ERLIN2: variants seen among roughly 807,000 people sequenced by gnomAD.
ERLIN2 encodes the protein ER lipid raft associated 2.
Under a neutral mutation model 41.5 loss-of-function variants are expected in ERLIN2, and 22 were observed. The ratio of observed to expected loss-of-function variants is 0.53; its 90% confidence interval spans 0.38 to 0.76. The LOEUF (loss-of-function observed/expected upper bound fraction) is 0.76, where lower values mean the gene tolerates loss of function less well. Ranked by LOEUF, ERLIN2 falls within the 30% of genes least tolerant of loss-of-function variation. The pLI, the probability that ERLIN2 is intolerant of heterozygous loss-of-function variation, is 0.00. For synonymous variants in ERLIN2, 149 were observed against 150.9 expected (o/e 0.99, Z 0.09); for missense variants, 247 against 414.3 (o/e 0.60, Z 3.51).
intron 2 of ERLIN2, among the ~76,000 whole-genome samples, chr8:37,739,483 CTT>C (rs375384406): frequency 6.8e-6 from 1 of 146,574 alleles, no homozygotes. Context: ...GACTTCTTAT[CTT>C]TTTTTTTTTT....
In ERLIN2 at chr8:37,758,325, T is replaced by C. The variant is rs1160949812; in HGVS notation, c.*4210T>C. 6.6e-6 allele frequency: 1 copy of C among 152,234 alleles called. No homozygotes were observed. Among genetic ancestry groups the C allele is most frequent in the Non-Finnish European group, 1.5e-5 (1 of 68,038 alleles). The allele number at this position is 152,234 out of a possible 1,614,324, so 9.4% of individuals were successfully genotyped here. ...AGACTGCCAAAGTTCAAATCACTGC[T>C]CTACTACTTCTTAGGTGTGTGGTCT... On this transcript the variant is annotated 3_prime_UTR_variant, in exon 12 of 12. Transcript: ENST00000519638.
In ERLIN2 at chr8:37,740,408, C is replaced by A; in HGVS notation, c.151C>A (p.Leu51Ile). Reference protein sequence around the residue: ...LTSTSGPGFHLMLPFITSYKS... With the variant: ...LTSTSGPGFHIMLPFITSYKS... ...TTCGACCAGCGGCCCTGGTTTCCAT[C>A]TCATGCTCCCTTTCATCACATCATA... is the stretch of plus-strand genomic sequence containing the variant. Residue 51 changes from leucine (L) to isoleucine (I), a missense_variant, in exon 3 of 12, where the codon CTC becomes ATC. Around this residue, in one of 3 missense-constraint regions of ERLIN2, gnomAD observed 93 missense variants for 139.0 expected, o/e 0.67. Transcript: ENST00000519638. 6.2e-7 allele frequency: 1 copy of A among 1,613,246 alleles called. No homozygotes were observed. Among genetic ancestry groups the A allele is most frequent in the Non-Finnish European group, 8.5e-7 (1 of 1,179,492 alleles).
intron 6 of ERLIN2, chr8:37,744,971 A>AATG (rs1242107182): frequency 1.6e-6 from 1 of 616,568 alleles, no homozygotes; most frequent in Non-Finnish European, 2.9e-6. Flanking sequence ...CTGGAGTGGA[A>AATG]ATGTGTTCCC....
At chr8:37,746,384 C>T in intron 6 of ERLIN2, 1 of 985,310 alleles carries the variant, frequency 1.0e-6, no homozygotes, top group Non-Finnish European at 1.2e-6. Context: ...CTTAGTAATA[C>T]AACTTTTTTT....
intron 6 of ERLIN2, 54 bp downstream of exon 6, chr8:37,744,750 G>C: frequency 6.2e-7 from 1 of 1,608,438 alleles, no homozygotes; most frequent in Non-Finnish European, 8.5e-7. Flanking sequence ...CTGGAACCCC[G>C]CGTCTCTCCA....
At chr8:37,738,392 T>C (rs1194586959) in intron 2 of ERLIN2, among the ~76,000 whole-genome samples, 1 of 152,046 alleles carries the variant, frequency 6.6e-6, no homozygotes, top group African/African-American at 2.4e-5. Context: ...CCTCTGGCAG[T>C]CTTAGCTCTA....
At chr8:37,746,321 T>C in intron 6 of ERLIN2, 9 of 985,512 alleles carry the variant, frequency 9.1e-6, no homozygotes, top group Non-Finnish European at 1.1e-5. Context: ...GCCCATGTTA[T>C]TAAAGTATTA....
chr8:37,742,396 A>G lies in ERLIN2; in HGVS notation c.236+578A>G, dbSNP rs574224159. Among the ~76,000 whole-genome samples the G allele has an allele frequency of 1.8e-3, 267 of 152,214 alleles. 1 individual carries two copies. Among genetic ancestry groups the G allele is most frequent in the African/African-American group, 5.8e-3 (241 of 41,512 alleles). Reference sequence around the variant, plus strand: ...CTAGTCACAATAACAAAGACATGGAATCAACCCAAATGCCCATCAACGATA... The same window carrying G: ...CTAGTCACAATAACAAAGACATGGAGTCAACCCAAATGCCCATCAACGATA... On this transcript the variant is annotated intron_variant, in intron 4 of 11. Coordinates refer to ENST00000519638, the MANE Select transcript of ERLIN2 (RefSeq NM_007175.8).
chr8:37,754,935 G>C lies in ERLIN2; in HGVS notation c.*820G>C, dbSNP rs940812824. ...AGTGTCTTAACAGCTGCTGGAGTGG[G>C]ATCCTTGTTATCTCTTAGCCACTGC... On this transcript the variant is annotated 3_prime_UTR_variant, in exon 12 of 12. Transcript: ENST00000519638. 1 of 152,364 alleles carries C rather than the reference G, an allele frequency of 6.6e-6. No homozygotes were observed. Among genetic ancestry groups the C allele is most frequent in the Non-Finnish European group, 1.5e-5 (1 of 68,196 alleles). The allele number at this position is 152,364 out of a possible 1,614,324, so 9.4% of individuals were successfully genotyped here.
At chr8:37,750,557 C>A (rs1803195253) in intron 9 of ERLIN2, 71 bp downstream of exon 9, 1 of 1,324,022 alleles carries the variant, frequency 7.6e-7, no homozygotes, top group Admixed American at 1.7e-5. Context: ...TGCAAGGAGG[C>A]TAAGGCCTGG....
In ERLIN2 at chr8:37,755,432, T is replaced by TA. The variant is rs1803331831; in HGVS notation, c.*1318dup. The stretch of plus-strand genomic sequence containing the variant: ...AGGGGTAGGGGGTGTCCAACCTGTA[T>TA]AGCCCATGGGTTGTGTCTAGAATTA... On this transcript the variant is annotated 3_prime_UTR_variant, in exon 12 of 12. Transcript: ENST00000519638. 6.6e-6 allele frequency: 1 copy of TA among 152,212 alleles called. No individual in the cohort carries two copies. The highest frequency in any genetic ancestry group is 2.4e-5 in the African/African-American group (1 of 41,454). The allele number at this position is 152,212 out of a possible 1,614,324, so 9.4% of individuals were successfully genotyped here.
At chr8:37,749,994 T>C in intron 8 of ERLIN2, 142 bp downstream of exon 8, 1 of 796,648 alleles carries the variant, frequency 1.3e-6, no homozygotes, top group South Asian at 1.4e-5. Context: ...CACTGTAAGA[T>C]TGGGCAGGCG....
At chr8:37,737,040 C>T (rs536011794) in intron 1 of ERLIN2, 5 of 963,736 alleles carry the variant, frequency 5.2e-6, no homozygotes, top group African/African-American at 1.8e-5. Flanking sequence ...GTCCGCGCCC[C>T]GGTTACGTTA....
Position 37,744,659 on chromosome 8 carries a change from T to C in ERLIN2, c.387T>C (p.Ser129=). Residue 129 remains serine (S), a synonymous_variant, in exon 6 of 12, where the codon AGT becomes AGC. Coordinates refer to ENST00000519638, the MANE Select transcript of ERLIN2 (RefSeq NM_007175.8). ...ACCACGAACTGAACCAGTTCTGCAG[T>C]GTGCACACGCTTCAAGAGGTCTACA... ...KIHHELNQFC[S]VHTLQEVYIE... is the part of the protein sequence containing the mutation. The C allele has an allele frequency of 1.9e-6, 3 of 1,614,148 alleles. No homozygotes were observed. The highest frequency in any genetic ancestry group is 2.2e-5 in the East Asian group (1 of 44,884).
intron 10 of ERLIN2, 95 bp from the exon 11 acceptor site, chr8:37,753,355 G>T: frequency 9.6e-7 from 1 of 1,036,302 alleles, no homozygotes. Context: ...CGAAGTTCCA[G>T]GGACCAGAAC....
In ERLIN2 at chr8:37,755,656, T is replaced by A. The variant is rs1803343701; in HGVS notation, c.*1541T>A. On this transcript the variant is annotated 3_prime_UTR_variant, in exon 12 of 12. Coordinates refer to ENST00000519638, the MANE Select transcript of ERLIN2 (RefSeq NM_007175.8). ...CTGGCAGCAATCCCTGCCTTCTTTT[T>A]GGGCCCATGCCCAGACTTCTGGTTT... 1 of 150,292 alleles carries A rather than the reference T, an allele frequency of 6.7e-6. No individual in the cohort carries two copies. The highest frequency in any genetic ancestry group is 2.4e-5 in the African/African-American group (1 of 40,932). 9.3% of individuals were successfully genotyped at this position (150,292 alleles called of 1,614,324 possible).
intron 10 of ERLIN2, among the ~76,000 whole-genome samples, chr8:37,752,131 G>T (rs1212395513): frequency 2.0e-5 from 3 of 152,200 alleles, no homozygotes; most frequent in Non-Finnish European, 4.4e-5. Context: ...TGGGCTCAAA[G>T]TCTGTTCTCC....
chr8:37,747,705 G>A (rs1446377344), intron 6 of ERLIN2: 3 of 1,578,486 alleles, frequency 1.9e-6, no homozygotes, highest in Non-Finnish European at 2.6e-6. Flanking sequence ...ATTGGTAGAA[G>A]AGCAGCAGTC....
chr8:37,746,326 G>A, intron 6 of ERLIN2: 1 of 985,388 alleles, frequency 1.0e-6, no homozygotes, highest in African/African-American at 1.7e-5. Context: ...TGTTATTAAA[G>A]TATTATCTAA....
Sources: allele counts gnomAD v4.1 joint callset (sites outside exome capture counted in the v4.1 genomes callset), GRCh38; gene constraint gnomAD v4.1.1; regional missense constraint gnomAD v4.1.1; transcripts MANE v1.5; gene names NCBI Gene and HGNC (gene_info 2026-07-23, HGNC 2026-07-21).